PRR16: variants seen among roughly 807,000 people sequenced by gnomAD.
PRR16 encodes protein Largen.
PRR16 carries 6 observed loss-of-function variants against 18.2 expected under a neutral mutation model. The observed-to-expected ratio is 0.33, with a 90% confidence interval of 0.18 to 0.65. The LOEUF (loss-of-function observed/expected upper bound fraction) is 0.65, where lower values mean the gene tolerates loss of function less well. Ranked by LOEUF, PRR16 falls within the 30% of genes least tolerant of loss-of-function variation. The probability of loss-of-function intolerance (pLI) is 0.74; values close to 1 mark genes in which losing one functional copy is unlikely to be tolerated. For synonymous variants in PRR16, 151 were observed against 147.8 expected, an observed-to-expected ratio of 1.02 and a Z score of -0.16; for missense variants, 412 against 376.6, an observed-to-expected ratio of 1.09 and a Z score of -0.78.
At chr5:120,598,418 C>CT (rs1469942980) in intron 1 of PRR16, among the ~76,000 whole-genome samples, 2 of 151,182 alleles carry the variant, frequency 1.3e-5, no homozygotes, top group East Asian at 1.9e-4. Context: ...TGAATGTGTA[C>CT]TTTTTTTTTC....
At chr5:120,684,797 T>C (rs115790617) in intron 1 of PRR16, among the ~76,000 whole-genome samples, 1 of 152,128 alleles carries the variant, frequency 6.6e-6, no homozygotes, top group Non-Finnish European at 1.5e-5. Context: ...CTTGCCAAAG[T>C]CTCCTTAGAA....
chr5:120,741,747 C>G, the PRR16 span, among the ~76,000 whole-genome samples: 3 of 152,000 alleles, frequency 2.0e-5, no homozygotes, highest in African/African-American at 7.2e-5. Context: ...ATTACAGGCA[C>G]GCACCACCAA....
At chr5:120,495,844 A>T (rs1005132814) in intron 1 of PRR16, among the ~76,000 whole-genome samples, 2 of 152,028 alleles carry the variant, frequency 1.3e-5, no homozygotes, top group Non-Finnish European at 2.9e-5. Context: ...TATGTTCAAT[A>T]AGAGTGGTGA....
the PRR16 span, among the ~76,000 whole-genome samples, chr5:120,754,163 A>G: frequency 6.6e-5 from 2 of 30,450 alleles, no homozygotes; most frequent in South Asian, 8.9e-4. Flanking sequence ...AATATGATAT[A>G]TAAATATAAA....
At chr5:120,561,369 T>TACTC (rs1223178171) in intron 1 of PRR16, among the ~76,000 whole-genome samples, 1 of 152,094 alleles carries the variant, frequency 6.6e-6, no homozygotes, top group African/African-American at 2.4e-5. Context: ...TTTCTTTATT[T>TACTC]ACTCACTGGT....
At chr5:120,620,284 T>C (rs1015869604) in intron 1 of PRR16, among the ~76,000 whole-genome samples, 2 of 152,152 alleles carry the variant, frequency 1.3e-5, no homozygotes, top group Non-Finnish European at 2.9e-5. Context: ...TTATGGAGCA[T>C]TGTAACACCA....
chr5:120,771,480 A>C, the PRR16 span, among the ~76,000 whole-genome samples: 71 of 152,178 alleles, frequency 4.7e-4, no homozygotes, highest in South Asian at 9.9e-3. Flanking sequence ...GAGTGAGGAG[A>C]TTTGGGCTTT....
chr5:120,697,422 C>T, the PRR16 span, among the ~76,000 whole-genome samples: 1 of 152,340 alleles, frequency 6.6e-6, no homozygotes, highest in East Asian at 1.9e-4. Flanking sequence ...GTACAGATGG[C>T]ATTCTCCTTA....
chr5:120,762,174 A>G, the PRR16 span, among the ~76,000 whole-genome samples: 1 of 152,150 alleles, frequency 6.6e-6, no homozygotes, highest in Admixed American at 6.6e-5. Context: ...TTTAATAAGC[A>G]TGGTGGAGGG....
rs1052690632 is a variant in PRR16 at position 120,505,153 on chromosome 5, C to T, written c.159+40508C>T. Among the ~76,000 whole-genome samples, 6 of 152,280 alleles carry T rather than the reference C, an allele frequency of 3.9e-5. No homozygotes were observed. The East Asian group carries it at 5.8e-4, about 15-fold the overall frequency. On this transcript the variant is annotated intron_variant, in intron 1 of 1. Transcript: ENST00000407149. ...GCTTTCTTTCTTCTCCCTTTCCAAA[C>T]ACTTTTCTGACTAGTGGAAATGAGT...
At chr5:120,711,339 T>A in the PRR16 span, among the ~76,000 whole-genome samples, 1 of 152,202 alleles carries the variant, frequency 6.6e-6, no homozygotes, top group Non-Finnish European at 1.5e-5. Context: ...CCCACCAGAT[T>A]ATAGACTCAG....
Position 120,584,018 on chromosome 5 carries a change from G to A in PRR16, c.160-101936G>A, listed in dbSNP as rs80196808. On this transcript the variant is annotated intron_variant, in intron 1 of 1. Transcript: ENST00000407149. ...ACAAGGTCAGATCTACCAAAAGACA[G>A]AGATATGCAAATAAGGCCATTTCAC... Among the ~76,000 whole-genome samples, 1,234 of 152,286 alleles carry A rather than the reference G, an allele frequency of 8.1e-3. 24 individuals carry two copies. Among genetic ancestry groups the A allele is most frequent in the African/African-American group, 0.028 (1,144 of 41,560 alleles).
chr5:120,542,788 G>A (rs999988682), intron 1 of PRR16, among the ~76,000 whole-genome samples: 1 of 152,090 alleles, frequency 6.6e-6, no homozygotes, highest in Non-Finnish European at 1.5e-5. Context: ...TTCTTTGAAG[G>A]TGGATAAGTT....
At chr5:120,582,394 G>T (rs928679750) in intron 1 of PRR16, among the ~76,000 whole-genome samples, 4 of 151,838 alleles carry the variant, frequency 2.6e-5, no homozygotes, top group Non-Finnish European at 5.9e-5. Context: ...AACCTAATTC[G>T]AACCATTATG....
At chr5:120,465,356 A>G (rs1749041702) in intron 1 of PRR16, among the ~76,000 whole-genome samples, 1 of 152,174 alleles carries the variant, frequency 6.6e-6, no homozygotes, top group Non-Finnish European at 1.5e-5. Flanking sequence ...GCCACTTGGC[A>G]TTGAACCCGA....
At chr5:120,700,867 C>T in the PRR16 span, among the ~76,000 whole-genome samples, 7 of 152,078 alleles carry the variant, frequency 4.6e-5, no homozygotes, top group Admixed American at 2.6e-4. Context: ...GCCGCTAAGC[C>T]GAGAAGATCT....
the PRR16 span, among the ~76,000 whole-genome samples, chr5:120,747,512 C>T: frequency 3.9e-5 from 6 of 152,204 alleles, no homozygotes; most frequent in Admixed American, 2.6e-4. Context: ...ATCAATGATT[C>T]TCAAGGTGTT....
In PRR16 at chr5:120,667,660, G is replaced by C. The variant is rs1032522407; in HGVS notation, c.160-18294G>C. Among the ~76,000 whole-genome samples the C allele has an allele frequency of 3.3e-5, 5 of 151,504 alleles. No homozygotes were observed. The East Asian group carries it at 7.8e-4, about 24-fold the overall frequency. ...AGAGATTCTGGTATGTTGTGTCTTTGTTCTCGTTGGTTTCAAAGAACATCT... is the reference window on the plus strand; with the variant it reads ...AGAGATTCTGGTATGTTGTGTCTTTCTTCTCGTTGGTTTCAAAGAACATCT... On this transcript the variant is annotated intron_variant, in intron 1 of 1. Coordinates refer to ENST00000407149, the MANE Select transcript of PRR16 (RefSeq NM_001300783.2).
chr5:120,518,224 T>G (rs929065831), intron 1 of PRR16, among the ~76,000 whole-genome samples: 4 of 152,090 alleles, frequency 2.6e-5, no homozygotes, highest in Non-Finnish European at 5.9e-5. Flanking sequence ...GAAAAGCAAG[T>G]TTTTAATACA....
Sources: gnomAD v4.1 joint callset for allele counts (sites outside exome capture counted in the v4.1 genomes callset) on GRCh38, gnomAD v4.1.1 for gene constraint, MANE v1.5 for transcripts, NCBI Gene and HGNC (gene_info 2026-07-23, HGNC 2026-07-21) for gene names.